The following TMEM132B variants were observed in gnomAD, a reference collection of about 807,000 sequenced individuals.
The protein encoded by TMEM132B is transmembrane protein 132B.
TMEM132B carries 18 observed loss-of-function variants against 90.8 expected under a neutral mutation model. The observed-to-expected ratio is 0.20, with a 90% CI of 0.14 to 0.29. The LOEUF (loss-of-function observed/expected upper bound fraction) is 0.29. Ranked by LOEUF, TMEM132B falls within the 10% of genes least tolerant of loss-of-function variation. The pLI is 1.00. For missense variants in TMEM132B, 1,096 were observed against 1,326.8 expected (o/e 0.83, Z 2.70); for synonymous variants, 504 against 523.3 (o/e 0.96, Z 0.50).
intron 4 of TMEM132B, among the ~76,000 whole-genome samples, chr12:125,524,153 A>T (rs1883384207): frequency 6.6e-6 from 1 of 152,246 alleles, no homozygotes; most frequent in Non-Finnish European, 1.5e-5. Context: ...GTGTGAGTTT[A>T]CAAGCAAGAG....
intron 3 of TMEM132B, among the ~76,000 whole-genome samples, chr12:125,504,332 GTTT>G (rs139606264): frequency 6.6e-6 from 1 of 152,036 alleles, no homozygotes; most frequent in South Asian, 2.1e-4. Context: ...GTTTGGATTT[GTTT>G]TTTTAATATC....
intron 1 of TMEM132B, among the ~76,000 whole-genome samples, chr12:125,285,169 G>A (rs747521672): frequency 5.9e-5 from 9 of 152,188 alleles, no homozygotes; most frequent in Non-Finnish European, 1.5e-5. Flanking sequence ...AATCGTTTTG[G>A]CTGAGGGCAG....
At chr12:125,601,270 A>AC in intron 5 of TMEM132B, among the ~76,000 whole-genome samples, 1 of 152,304 alleles carries the variant, frequency 6.6e-6, no homozygotes, top group East Asian at 1.9e-4. Flanking sequence ...AGTCTCTCAG[A>AC]CCACGGTGAA....
At chr12:125,315,403 T>A (rs1273028497) in intron 1 of TMEM132B, among the ~76,000 whole-genome samples, 1 of 152,194 alleles carries the variant, frequency 6.6e-6, no homozygotes, top group Non-Finnish European at 1.5e-5. Context: ...TTCACCATGT[T>A]GGCCAAGCTG....
intron 3 of TMEM132B, among the ~76,000 whole-genome samples, chr12:125,461,814 T>G (rs1332920244): frequency 1.3e-5 from 2 of 152,232 alleles, no homozygotes; most frequent in African/African-American, 4.8e-5. Context: ...CACCCTTGCC[T>G]TCTTCCTTTG....
At chr12:125,608,902 A>G (rs1308640601) in intron 5 of TMEM132B, among the ~76,000 whole-genome samples, 1 of 152,140 alleles carries the variant, frequency 6.6e-6, no homozygotes, top group East Asian at 1.9e-4. Flanking sequence ...TCATGCTGCT[A>G]TGAAGAAATA....
At chr12:125,399,357 G>A (rs933997661) in intron 2 of TMEM132B, among the ~76,000 whole-genome samples, 2 of 152,146 alleles carry the variant, frequency 1.3e-5, no homozygotes, top group Non-Finnish European at 2.9e-5. Context: ...AAAACATGCC[G>A]TAGGCTGGGT....
chr12:125,314,190 G>A (rs1006519776), intron 1 of TMEM132B, among the ~76,000 whole-genome samples: 1 of 152,144 alleles, frequency 6.6e-6, no homozygotes, highest in Non-Finnish European at 1.5e-5. Context: ...CGAGGTGCAG[G>A]CTGCCACGTC....
At chr12:125,577,325 T>G (rs1266409067) in intron 4 of TMEM132B, among the ~76,000 whole-genome samples, 1 of 151,588 alleles carries the variant, frequency 6.6e-6, no homozygotes, top group Non-Finnish European at 1.5e-5. Flanking sequence ...AGCCCCTTTT[T>G]AATTCCTTAT....
In TMEM132B at chr12:125,406,416, A is replaced by AACCAGTTCTTT. The variant is rs1227063045; in HGVS notation, c.960-9113_960-9112insCAGTTCTTTAC. 6.6e-6 allele frequency among the ~76,000 whole-genome samples: 1 copy of AACCAGTTCTTT among 152,198 alleles called. No individual in the cohort carries two copies. The highest frequency in any genetic ancestry group is 2.4e-5 in the African/African-American group (1 of 41,456). Reference sequence around the variant, plus strand: ...GGCTTGAGACATTTCAGCATTTGTGAACAAGTTCTTTTTCTACTGTGAAAT... The same window carrying AACCAGTTCTTT: ...GGCTTGAGACATTTCAGCATTTGTGAACCAGTTCTTTACAAGTTCTTTTTCTACTGTGAAAT... On this transcript the variant is annotated intron_variant, in intron 2 of 8. Coordinates refer to ENST00000682704, the MANE Select transcript of TMEM132B (RefSeq NM_001366854.1). The surrounding 1 kb of genome is among the most constrained non-coding windows in gnomAD (Gnocchi z 8.3).
At chr12:125,639,470 T>C (rs1368869085) in intron 5 of TMEM132B, among the ~76,000 whole-genome samples, 4 of 152,238 alleles carry the variant, frequency 2.6e-5, no homozygotes, top group African/African-American at 7.2e-5. Flanking sequence ...ATCTATTTAT[T>C]GAATAACTTC....
intron 3 of TMEM132B, among the ~76,000 whole-genome samples, chr12:125,494,357 C>T (rs1227685781): frequency 7.1e-6 from 1 of 140,550 alleles, no homozygotes; most frequent in African/African-American, 2.7e-5. Flanking sequence ...TCCCTCCGCC[C>T]CCTCCTCCCT....
chr12:125,334,795 CTG>C (rs1340129811), intron 1 of TMEM132B, among the ~76,000 whole-genome samples: 3 of 152,246 alleles, frequency 2.0e-5, no homozygotes, highest in Non-Finnish European at 4.4e-5. Flanking sequence ...TCCTCTGCTT[CTG>C]TGCCATGCAC....
At chr12:125,259,501 G>A (rs942500414) in intron 1 of TMEM132B, among the ~76,000 whole-genome samples, 1 of 152,170 alleles carries the variant, frequency 6.6e-6, no homozygotes, top group Non-Finnish European at 1.5e-5. Flanking sequence ...ATTTGTCACC[G>A]GGTTGAGTTG....
At chr12:125,602,420 G>T (rs914825127) in intron 5 of TMEM132B, among the ~76,000 whole-genome samples, 5 of 152,006 alleles carry the variant, frequency 3.3e-5, no homozygotes, top group Admixed American at 2.6e-4. Flanking sequence ...GCACTCCTTC[G>T]TGTTAAAAAC....
At chr12:125,641,811 T>C (rs1886637977) in intron 5 of TMEM132B, among the ~76,000 whole-genome samples, 1 of 152,022 alleles carries the variant, frequency 6.6e-6, no homozygotes, top group Non-Finnish European at 1.5e-5. Flanking sequence ...TTGGGGGTGG[T>C]TGGGTAGCAG....
At chr12:125,620,695 C>T (rs1407199611) in intron 5 of TMEM132B, among the ~76,000 whole-genome samples, 1 of 152,124 alleles carries the variant, frequency 6.6e-6, no homozygotes, top group African/African-American at 2.4e-5. Flanking sequence ...CCTGGGAAGG[C>T]CTCAGGAAAC....
At chr12:125,509,681 T>C (rs1882931723) in intron 3 of TMEM132B, among the ~76,000 whole-genome samples, 1 of 152,214 alleles carries the variant, frequency 6.6e-6, no homozygotes, top group African/African-American at 2.4e-5. Flanking sequence ...TCTTTTATAC[T>C]TTTTGAATTT....
intron 5 of TMEM132B, among the ~76,000 whole-genome samples, chr12:125,609,652 A>G (rs761167428): frequency 6.6e-6 from 1 of 151,290 alleles, no homozygotes; most frequent in Non-Finnish European, 1.5e-5. Context: ...TGTCTCTACT[A>G]AAAAAATATA....
Sources: gnomAD v4.1 joint callset for allele counts (sites outside exome capture counted in the v4.1 genomes callset) on GRCh38, gnomAD v4.1.1 for gene constraint, Gnocchi (gnomAD v3.1) non-coding constraint, MANE v1.5 for transcripts, NCBI Gene and HGNC (gene_info 2026-07-23, HGNC 2026-07-21) for gene names.